Variants in KLF12 observed in about 807,000 individuals in gnomAD.
The protein encoded by KLF12 is Krueppel-like factor 12.
Under a neutral mutation model 37.8 loss-of-function variants are expected in KLF12, and 9 were observed. The observed-to-expected ratio is 0.24, with a 90% CI of 0.14 to 0.42. KLF12 has a LOEUF of 0.42. KLF12 is among the 10% of genes least tolerant of loss of function. The pLI is 1.00. For synonymous variants in KLF12, 208 were observed against 202.1 expected (o/e 1.03, Z -0.25); for missense variants, 411 against 516.0 (o/e 0.80, Z 1.97).
intron 3 of KLF12, among the ~76,000 whole-genome samples, chr13:73,858,211 A>C (rs1489258600): frequency 6.6e-6 from 1 of 152,190 alleles, no homozygotes; most frequent in Non-Finnish European, 1.5e-5. Context: ...GGCTTTTAAA[A>C]TCTGGTTTTC....
At chr13:74,024,662 CAATATT>C (rs773406948) in intron 1 of KLF12, among the ~76,000 whole-genome samples, 142 of 152,172 alleles carry the variant, frequency 9.3e-4, no homozygotes, top group Non-Finnish European at 1.8e-3. Context: ...AAATAATTGA[CAATATT>C]AACGAGTCTG....
intron 2 of KLF12, among the ~76,000 whole-genome samples, chr13:73,967,234 A>G (rs9592956): frequency 0.049 from 7,438 of 152,282 alleles, 388 homozygotes; most frequent in African/African-American, 0.13. Context: ...AGAATGATCC[A>G]TTAAAATAGG....
chr13:73,747,633 G>A (rs544963340), intron 6 of KLF12, among the ~76,000 whole-genome samples: 42 of 152,176 alleles, frequency 2.8e-4, no homozygotes, highest in East Asian at 7.7e-4. Flanking sequence ...TATTTATTGC[G>A]TTTGGTAAAT....
intron 5 of KLF12, among the ~76,000 whole-genome samples, chr13:73,782,860 G>A (rs1442854128): frequency 6.6e-6 from 1 of 152,218 alleles, no homozygotes; most frequent in African/African-American, 2.4e-5. Flanking sequence ...TTGTCAAGCT[G>A]TGTCCTAATT....
chr13:73,743,716 A>T (rs1304401186), intron 6 of KLF12, among the ~76,000 whole-genome samples: 1 of 152,232 alleles, frequency 6.6e-6, no homozygotes, highest in Non-Finnish European at 1.5e-5. Flanking sequence ...TGATCCAAGA[A>T]GTAGATTTTA....
In KLF12 at chr13:73,715,511, A is replaced by T; in HGVS notation, c.884T>A (p.Phe295Tyr). The change falls in exon 7 of 8, where the codon TTT becomes TAT. Residue 295 changes from phenylalanine (F) to tyrosine (Y), a missense_variant. Phe to Tyr is a conservative substitution (Grantham distance 22, BLOSUM62 3). Around this residue, in one of 2 missense-constraint regions of KLF12, gnomAD observed 351 missense variants for 397.8 expected, o/e 0.88. Transcript: ENST00000377669. The stretch of plus-strand genomic sequence containing the variant: ...CTGGCGTCTTGTGCTCTCAATACTA[A>T]ATGGTGAAATTGAACTGGAAAAAGA... The T allele has an allele frequency of 6.2e-7, 1 of 1,613,354 alleles. No homozygotes were observed. Among genetic ancestry groups the T allele is most frequent in the Non-Finnish European group, 8.5e-7 (1 of 1,179,742 alleles).
chr13:74,201,090 G>T, the KLF12 span, among the ~76,000 whole-genome samples: 3 of 152,030 alleles, frequency 2.0e-5, no homozygotes, highest in Admixed American at 6.6e-5. Flanking sequence ...TTCTCAAAAT[G>T]CCTTCTCTTA....
At chr13:74,143,171 T>C in the KLF12 span, among the ~76,000 whole-genome samples, 27,280 of 151,630 alleles carry the variant, frequency 0.18, 2,887 homozygotes, top group African/African-American at 0.29. Context: ...TCTTCTTCTT[T>C]CTTCTTTCTT....
intron 5 of KLF12, among the ~76,000 whole-genome samples, chr13:73,787,081 T>C (rs71431594): frequency 1.3e-5 from 2 of 152,224 alleles, no homozygotes; most frequent in Non-Finnish European, 1.5e-5. Flanking sequence ...GTTTTTCACT[T>C]ATAGCTTTGT....
intron 1 of KLF12, among the ~76,000 whole-genome samples, chr13:74,124,312 C>T (rs1877811955): frequency 6.6e-6 from 1 of 152,174 alleles, no homozygotes; most frequent in South Asian, 2.1e-4. Context: ...TTCTAAATAT[C>T]CCTTCAAGCA....
chr13:74,216,977 A>G, the KLF12 span, among the ~76,000 whole-genome samples: 2 of 152,202 alleles, frequency 1.3e-5, no homozygotes, highest in African/African-American at 4.8e-5. Context: ...TATTTAACAC[A>G]TATTTCTTCC....
At chr13:74,270,775 T>A in the KLF12 span, among the ~76,000 whole-genome samples, 6 of 152,174 alleles carry the variant, frequency 3.9e-5, no homozygotes, top group South Asian at 1.2e-3. Flanking sequence ...GGGGCTGGTA[T>A]CTGAAGTCAG....
At chr13:73,697,088 A>AACAC (rs10679066) in intron 7 of KLF12, among the ~76,000 whole-genome samples, 4,331 of 149,224 alleles carry the variant, frequency 0.029, 152 homozygotes, top group African/African-American at 0.078. Flanking sequence ...ATACAACTGC[A>AACAC]ACACACACAC....
the KLF12 span, among the ~76,000 whole-genome samples, chr13:74,220,894 C>T: frequency 6.6e-6 from 1 of 152,022 alleles, no homozygotes; most frequent in African/African-American, 2.4e-5. Flanking sequence ...TATATAATGT[C>T]TTCATCAGAT....
chr13:74,096,956 C>T (rs1876018711), intron 1 of KLF12, among the ~76,000 whole-genome samples: 1 of 152,160 alleles, frequency 6.6e-6, no homozygotes, highest in African/African-American at 2.4e-5. Flanking sequence ...TTGTTAGAAA[C>T]ATCAGGTCAG....
At chr13:74,178,265 A>G in the KLF12 span, among the ~76,000 whole-genome samples, 1 of 152,210 alleles carries the variant, frequency 6.6e-6, no homozygotes, top group African/African-American at 2.4e-5. Flanking sequence ...ACCTCCACTC[A>G]CTAGGCTACT....
chr13:74,272,848 T>C, the KLF12 span, among the ~76,000 whole-genome samples: 1 of 152,170 alleles, frequency 6.6e-6, no homozygotes, highest in Non-Finnish European at 1.5e-5. Flanking sequence ...GTCTGATTTG[T>C]AGACAGGAAA....
intron 3 of KLF12, among the ~76,000 whole-genome samples, chr13:73,862,001 T>G (rs748538733): frequency 6.6e-6 from 1 of 152,010 alleles, no homozygotes; most frequent in Non-Finnish European, 1.5e-5. Context: ...ATTAATTGAA[T>G]AGTTTTCATA....
At chr13:73,865,322 C>T (rs545023946) in intron 3 of KLF12, among the ~76,000 whole-genome samples, 22 of 152,130 alleles carry the variant, frequency 1.4e-4, no homozygotes, top group Non-Finnish European at 2.4e-4. Context: ...ATTTATAGCA[C>T]GTAAAATGTG....
Sources: gnomAD v4.1 joint callset for allele counts (sites outside exome capture counted in the v4.1 genomes callset) on GRCh38, gnomAD v4.1.1 for gene constraint, gnomAD v4.1.1 regional missense constraint, MANE v1.5 for transcripts, NCBI Gene and HGNC (gene_info 2026-07-23, HGNC 2026-07-21) for gene names.